Variants in NTNG1 observed in about 807,000 individuals in gnomAD.
The protein encoded by NTNG1 is netrin G1, also known as netrin-G1.
Under a neutral mutation model 54.0 loss-of-function variants are expected in NTNG1, and 16 were observed. That is an observed-to-expected ratio of 0.30 (90% CI 0.20 to 0.45). NTNG1 has a LOEUF of 0.45. Ranked by LOEUF, NTNG1 falls within the 20% of genes least tolerant of loss-of-function variation. The pLI is 1.00. For synonymous variants in NTNG1, 255 were observed against 263.1 expected, an observed-to-expected ratio of 0.97 and a Z score of 0.30; for missense variants, 530 against 678.7, an observed-to-expected ratio of 0.78 and a Z score of 2.43.
intron 2 of NTNG1, among the ~76,000 whole-genome samples, chr1:107,227,475 T>C (rs1007464483): frequency 2.0e-5 from 3 of 152,146 alleles, no homozygotes; most frequent in African/African-American, 2.4e-5. Context: ...TACATTTGTG[T>C]GCCTTTATTA....
chr1:107,290,963 T>TA (rs199789100), intron 2 of NTNG1, among the ~76,000 whole-genome samples: 4 of 142,530 alleles, frequency 2.8e-5, no homozygotes, highest in South Asian at 2.2e-4. Context: ...TATATATATA[T>TA]TATATATATA....
At chr1:107,168,851 T>A (rs17447113) in intron 2 of NTNG1, among the ~76,000 whole-genome samples, 1 of 152,136 alleles carries the variant, frequency 6.6e-6, no homozygotes, top group Non-Finnish European at 1.5e-5. Context: ...TTTGAAAAAT[T>A]GATCAAATTG....
intron 2 of NTNG1, among the ~76,000 whole-genome samples, chr1:107,298,182 C>G (rs761968155): frequency 6.6e-6 from 1 of 151,944 alleles, no homozygotes; most frequent in Non-Finnish European, 1.5e-5. Flanking sequence ...ATAAAAAGAC[C>G]CCAAAATATT....
intron 2 of NTNG1, among the ~76,000 whole-genome samples, chr1:107,283,975 C>G (rs1234631348): frequency 6.6e-6 from 1 of 152,202 alleles, no homozygotes; most frequent in Non-Finnish European, 1.5e-5. Context: ...AGTTCAAATG[C>G]TGTCTCTTCA....
intron 2 of NTNG1, among the ~76,000 whole-genome samples, chr1:107,260,545 G>A (rs377431854): frequency 5.6e-4 from 86 of 152,264 alleles, no homozygotes; most frequent in African/African-American, 1.8e-3. Flanking sequence ...TCACGTGCCC[G>A]TAGAAGCACC....
chr1:107,195,117 A>G (rs1473645396), intron 2 of NTNG1, among the ~76,000 whole-genome samples: 1 of 152,006 alleles, frequency 6.6e-6, no homozygotes, highest in Non-Finnish European at 1.5e-5. Flanking sequence ...TGCATTTTCA[A>G]GTGAGGCAGA....
At position 107,421,166 on chromosome 1, in the gene NTNG1, A is replaced by G. The variant is rs1445207042; in HGVS notation, c.1088-9584A>G. 4.6e-6 allele frequency: 7 copies of G among 1,525,284 alleles called. No homozygotes were observed. In the Admixed American group the frequency reaches 5.1e-5, roughly 11 times the overall value. 94.5% of individuals were successfully genotyped at this position (1,525,284 alleles called of 1,614,324 possible). ...GAGGTAGGAATTCTTGGATTCATAC[A>G]GTGATTTCATGGTGTTATGTGTTGT... On this transcript the variant is annotated intron_variant, in intron 5 of 7. Transcript: ENST00000370068.
chr1:107,425,223 T>C (rs1243213681), intron 5 of NTNG1, among the ~76,000 whole-genome samples: 1 of 152,038 alleles, frequency 6.6e-6, no homozygotes, highest in Non-Finnish European at 1.5e-5. Flanking sequence ...TACATGTGCT[T>C]GTGTGTTTCA....
intron 2 of NTNG1, among the ~76,000 whole-genome samples, chr1:107,169,999 T>A (rs1656098408): frequency 6.6e-6 from 1 of 152,162 alleles, no homozygotes; most frequent in African/African-American, 2.4e-5. Flanking sequence ...CTAAAACATT[T>A]CAATTGATTG....
chr1:107,413,186 G>A (rs1178485790), intron 5 of NTNG1, among the ~76,000 whole-genome samples: 2 of 146,610 alleles, frequency 1.4e-5, no homozygotes, highest in Non-Finnish European at 3.0e-5. Flanking sequence ...TTTCTGAGAT[G>A]GAGTCTCACT....
intron 2 of NTNG1, among the ~76,000 whole-genome samples, chr1:107,171,030 T>C (rs995999715): frequency 6.6e-6 from 1 of 152,292 alleles, no homozygotes; most frequent in East Asian, 1.9e-4. Flanking sequence ...TAGCCTTTAG[T>C]ATGTGGTAAA....
At chr1:107,155,344 A>T (rs1654904344) in intron 2 of NTNG1, among the ~76,000 whole-genome samples, 1 of 151,882 alleles carries the variant, frequency 6.6e-6, no homozygotes, top group South Asian at 2.1e-4. Context: ...CTCTGATGCC[A>T]CCTATCTTTC....
intron 2 of NTNG1, among the ~76,000 whole-genome samples, chr1:107,289,022 T>C (rs575625727): frequency 3.3e-5 from 5 of 152,282 alleles, no homozygotes; most frequent in Admixed American, 2.6e-4. Context: ...CTCATGATTA[T>C]TTCAGAATCT....
chr1:107,326,218 T>C (rs1302404323), intron 3 of NTNG1, among the ~76,000 whole-genome samples: 1 of 152,128 alleles, frequency 6.6e-6, no homozygotes, highest in African/African-American at 2.4e-5. Context: ...TAGCTTCATG[T>C]TCCTCATGGA....
chr1:107,439,872 T>A (rs923618263), intron 7 of NTNG1, among the ~76,000 whole-genome samples: 38 of 149,680 alleles, frequency 2.5e-4, no homozygotes, highest in Non-Finnish European at 4.3e-4. Context: ...GGTTGATAAT[T>A]TTTTTTTTTC....
At chr1:107,237,644 T>C (rs1415113350) in intron 2 of NTNG1, among the ~76,000 whole-genome samples, 1 of 152,092 alleles carries the variant, frequency 6.6e-6, no homozygotes, top group East Asian at 1.9e-4. Context: ...CCTAGGGACT[T>C]GGTGCCCTGT....
intron 2 of NTNG1, among the ~76,000 whole-genome samples, chr1:107,314,308 C>T (rs949510459): frequency 3.3e-5 from 5 of 151,900 alleles, no homozygotes; most frequent in Non-Finnish European, 1.5e-5. Context: ...CTGAGGCAGG[C>T]GAATCGCTTG....
chr1:107,425,273 G>C (rs1300009247), intron 5 of NTNG1, among the ~76,000 whole-genome samples: 3 of 152,032 alleles, frequency 2.0e-5, no homozygotes, highest in Non-Finnish European at 4.4e-5. Flanking sequence ...TGGGCTTCTA[G>C]TATACTTATC....
intron 3 of NTNG1, among the ~76,000 whole-genome samples, chr1:107,390,617 A>T (rs927088666): frequency 6.6e-6 from 1 of 152,202 alleles, no homozygotes; most frequent in Non-Finnish European, 1.5e-5. Context: ...GGAGTGTTTA[A>T]TTTAGTACAA....
Sources: gnomAD v4.1 joint callset for allele counts (sites outside exome capture counted in the v4.1 genomes callset) on GRCh38, gnomAD v4.1.1 for gene constraint, MANE v1.5 for transcripts, NCBI Gene and HGNC (gene_info 2026-07-23, HGNC 2026-07-21) for gene names.